The following ENTREP2 variants were observed in gnomAD, a reference collection of about 807,000 sequenced individuals.
ENTREP2 encodes the protein endosomal transmembrane epsin interactor 2, also known as protein ENTREP2.
At chr15:29,538,144 G>C in the ENTREP2 span, among the ~76,000 whole-genome samples, 1 of 152,168 alleles carries the variant, frequency 6.6e-6, no homozygotes, top group African/African-American at 2.4e-5. Flanking sequence ...TCCCACAGCA[G>C]TGTCTGGGAT....
chr15:29,252,158 A>C, the ENTREP2 span, among the ~76,000 whole-genome samples: 1 of 152,230 alleles, frequency 6.6e-6, no homozygotes, highest in Non-Finnish European at 1.5e-5. Flanking sequence ...AAAAAGTTTT[A>C]ATTGTTCTAC....
chr15:29,558,257 G>A, the ENTREP2 span, among the ~76,000 whole-genome samples: 15 of 152,204 alleles, frequency 9.9e-5, no homozygotes, highest in African/African-American at 3.4e-4. Flanking sequence ...TGCCCACGCT[G>A]CCTAGCAGGC....
chr15:29,304,836 C>T, the ENTREP2 span, among the ~76,000 whole-genome samples: 4 of 152,182 alleles, frequency 2.6e-5, no homozygotes, highest in African/African-American at 4.8e-5. Context: ...TCAGGGCCTC[C>T]GTACTGACTA....
At chr15:29,182,213 C>T in the ENTREP2 span, among the ~76,000 whole-genome samples, 5 of 152,066 alleles carry the variant, frequency 3.3e-5, no homozygotes, top group East Asian at 9.7e-4. Flanking sequence ...CAAGCTCCGC[C>T]TCCTGGGTTC....
chr15:29,309,527 T>C, the ENTREP2 span, among the ~76,000 whole-genome samples: 2 of 151,936 alleles, frequency 1.3e-5, no homozygotes, highest in Admixed American at 6.6e-5. Flanking sequence ...CGCATGTAAT[T>C]CCAGCACTTT....
At chr15:29,434,645 A>G in the ENTREP2 span, among the ~76,000 whole-genome samples, 1 of 152,284 alleles carries the variant, frequency 6.6e-6, no homozygotes, top group South Asian at 2.1e-4. Context: ...AGCATACATG[A>G]CATACATACA....
At chr15:29,541,377 C>T in the ENTREP2 span, among the ~76,000 whole-genome samples, 6 of 152,204 alleles carry the variant, frequency 3.9e-5, no homozygotes. Context: ...CAGCCTCAGC[C>T]TGAGGGAGCC....
chr15:29,338,829 T>C, the ENTREP2 span, among the ~76,000 whole-genome samples: 63 of 152,298 alleles, frequency 4.1e-4, no homozygotes, highest in East Asian at 9.6e-3. Flanking sequence ...AATAAAACGG[T>C]TGTGGGAGGC....
chr15:29,603,763 C>G, the ENTREP2 span, among the ~76,000 whole-genome samples: 1,154 of 152,194 alleles, frequency 7.6e-3, 18 homozygotes, highest in African/African-American at 0.027. Flanking sequence ...CTCAGCCTCC[C>G]GAGTAGCTGG....
At chr15:29,127,942 A>C in the ENTREP2 span, among the ~76,000 whole-genome samples, 1 of 152,208 alleles carries the variant, frequency 6.6e-6, no homozygotes, top group East Asian at 1.9e-4. Context: ...TGGAGTGACC[A>C]AAGGAAGGAA....
chr15:29,348,409 C>CT, the ENTREP2 span, among the ~76,000 whole-genome samples: 1 of 152,118 alleles, frequency 6.6e-6, no homozygotes, highest in African/African-American at 2.4e-5. Flanking sequence ...GGCCGCAGGG[C>CT]TGCAGCTACG....
chr15:29,589,455 C>A, the ENTREP2 span, among the ~76,000 whole-genome samples: 1 of 152,148 alleles, frequency 6.6e-6, no homozygotes, highest in East Asian at 1.9e-4. Context: ...TGTCTGACAT[C>A]AATGAACAAA....
the ENTREP2 span, among the ~76,000 whole-genome samples, chr15:29,218,866 G>C: frequency 1.3e-5 from 2 of 152,088 alleles, no homozygotes; most frequent in African/African-American, 2.4e-5. Context: ...AAAAATTATA[G>C]AAGATAACTT....
the ENTREP2 span, among the ~76,000 whole-genome samples, chr15:29,262,744 T>C: frequency 6.6e-6 from 1 of 152,236 alleles, no homozygotes; most frequent in Non-Finnish European, 1.5e-5. Context: ...GAGGACATCA[T>C]CAGAACCCCA....
chr15:29,132,443 C>T, the ENTREP2 span, among the ~76,000 whole-genome samples: 1 of 152,192 alleles, frequency 6.6e-6, no homozygotes. Context: ...GCCCTGCTGC[C>T]AGGCGGGCGC....
the ENTREP2 span, among the ~76,000 whole-genome samples, chr15:29,500,306 T>C: frequency 2.0e-5 from 3 of 152,200 alleles, no homozygotes; most frequent in African/African-American, 7.2e-5. Context: ...TTCTCAAGCA[T>C]ACATGGAACA....
the ENTREP2 span, among the ~76,000 whole-genome samples, chr15:29,341,752 C>G: frequency 6.6e-6 from 1 of 152,106 alleles, no homozygotes; most frequent in East Asian, 1.9e-4. Context: ...GGGCCTGGAG[C>G]CTGCAGGAAA....
the ENTREP2 span, among the ~76,000 whole-genome samples, chr15:29,289,988 C>A: frequency 6.6e-6 from 1 of 152,220 alleles, no homozygotes; most frequent in Non-Finnish European, 1.5e-5. Context: ...CACTGTACAG[C>A]AATAAGAAGG....
At chr15:29,622,279 T>C in the ENTREP2 span, among the ~76,000 whole-genome samples, 2 of 152,118 alleles carry the variant, frequency 1.3e-5, no homozygotes, top group Non-Finnish European at 2.9e-5. Context: ...GATCTCGGCT[T>C]ACTGCAACCT....
Sources: allele counts gnomAD v4.1 joint callset (sites outside exome capture counted in the v4.1 genomes callset), GRCh38; gene constraint gnomAD v4.1.1; transcripts MANE v1.5; gene names NCBI Gene and HGNC (gene_info 2026-07-23, HGNC 2026-07-21).